ZCCHC2: variants seen among roughly 807,000 people sequenced by gnomAD.
ZCCHC2 encodes the protein zinc finger CCHC domain-containing protein 2.
A neutral mutation model predicts 103.6 loss-of-function variants in ZCCHC2; 39 were observed. The observed-to-expected ratio is 0.38, with a 90% CI of 0.29 to 0.49. ZCCHC2 has a LOEUF of 0.49. Among genes scored for constraint, ZCCHC2 ranks in the 20% least tolerant of loss-of-function variants. ZCCHC2 has a pLI of 0.96. For synonymous variants in ZCCHC2, 687 were observed against 608.9 expected (o/e 1.13, Z -1.89); for missense variants, 1,483 against 1,491.0 (o/e 0.99, Z 0.09).
At chr18:62,544,628 G>T (rs1275959184) in intron 3 of ZCCHC2, among the ~76,000 whole-genome samples, 174 bp from the exon 4 acceptor site, 3 of 152,164 alleles carry the variant, frequency 2.0e-5, no homozygotes, top group Non-Finnish European at 4.4e-5. Context: ...GTATGTCAAT[G>T]TGCAGTTAAT....
rs1247651553 is a variant in ZCCHC2 at position 62,523,185 on chromosome 18, C to T, written c.-240C>T. 1 of 165,780 alleles carries T rather than the reference C, an allele frequency of 6.0e-6. No homozygotes were observed. Among genetic ancestry groups the T allele is most frequent in the Non-Finnish European group, 1.2e-5 (1 of 80,476 alleles). The allele number at this position is 165,780 out of a possible 1,614,324, so 10.3% of individuals were successfully genotyped here. On this transcript the variant is annotated 5_prime_UTR_variant, in exon 1 of 14. Transcript: ENST00000269499. ...CCGGGCTCCCAGAACCGGCGAGGAG[C>T]CCAGGGGGAGGAGCCGTCGCGGGCA...
In ZCCHC2 at chr18:62,576,793, G is replaced by T; in HGVS notation, c.*214G>T. ...TCCTGGTTCAACAACAGGCTTATAT[G>T]TATGATACATGTAATTTAAACCTTC... is the stretch of plus-strand genomic sequence containing the variant. On this transcript the variant is annotated 3_prime_UTR_variant, in exon 14 of 14. Coordinates refer to ENST00000269499, the MANE Select transcript of ZCCHC2 (RefSeq NM_017742.6). The T allele has an allele frequency of 9.5e-6, 4 of 421,116 alleles. No individual in the cohort carries two copies. Among genetic ancestry groups the T allele is most frequent in the African/African-American group, 2.1e-5 (1 of 47,752 alleles). The allele number at this position is 421,116 out of a possible 1,614,324, so 26.1% of individuals were successfully genotyped here. A position where few individuals can be genotyped will look rare whatever the true frequency, so the allele number is the denominator to read the frequency against.
At position 62,576,554 on chromosome 18, in the gene ZCCHC2, A is replaced by G; in HGVS notation, c.3512A>G (p.Asn1171Ser). Residue 1171 changes from asparagine to serine, a missense_variant, in exon 14 of 14, where the codon AAT becomes AGT. By Grantham distance (46) the Asn-to-Ser change is conservative. This residue lies in a region of ZCCHC2 where 884 missense variants were observed against 907.5 expected (regional missense o/e 0.97). Transcript: ENST00000269499. ...TACGCACCTCCCCTCCCCCCTTCTAATGATACGTTGGATTCTGCAGACTGA... is the reference window on the plus strand; with the variant it reads ...TACGCACCTCCCCTCCCCCCTTCTAGTGATACGTTGGATTCTGCAGACTGA... ...LRYAPPLPPS[N>S]DTLDSAD 1 of 1,613,706 alleles carries G rather than the reference A, an allele frequency of 6.2e-7. No homozygotes were observed. Among genetic ancestry groups the G allele is most frequent in the Non-Finnish European group, 8.5e-7 (1 of 1,179,766 alleles).
chr18:62,560,338 T>C (rs1916063549), intron 7 of ZCCHC2: 4 of 364,302 alleles, frequency 1.1e-5, no homozygotes, highest in South Asian at 1.8e-4. Flanking sequence ...CATGCTCATA[T>C]AGACTTTCAT....
chr18:62,542,239 A>G (rs982858031), intron 2 of ZCCHC2, among the ~76,000 whole-genome samples: 7 of 152,196 alleles, frequency 4.6e-5, no homozygotes, highest in African/African-American at 1.7e-4. Flanking sequence ...TGGTGTTAAT[A>G]GAGTGTTTGA....
chr18:62,540,435 CT>C (rs555817088), intron 2 of ZCCHC2, among the ~76,000 whole-genome samples: 18,412 of 141,232 alleles, frequency 0.13, 1,137 homozygotes, highest in African/African-American at 0.16. Flanking sequence ...ATTATGTCTC[CT>C]TTTTTTTTTT....
At chr18:62,583,670 C>T (rs1327890951) in intron 14 of ZCCHC2, among the ~76,000 whole-genome samples, 1 of 151,946 alleles carries the variant, frequency 6.6e-6, no homozygotes, top group African/African-American at 2.4e-5. Flanking sequence ...AATACTGACC[C>T]CCCCCTCCAC....
At chr18:62,583,832 A>G (rs565386221) in intron 14 of ZCCHC2, among the ~76,000 whole-genome samples, 33 of 152,220 alleles carry the variant, frequency 2.2e-4, no homozygotes, top group African/African-American at 7.9e-4. Context: ...CAGCTGTTAA[A>G]GGATGAGGGG....
At chr18:62,551,762 A>G (rs1192451469) in intron 5 of ZCCHC2, 1 of 153,054 alleles carries the variant, frequency 6.5e-6, no homozygotes, top group Non-Finnish European at 1.5e-5. Context: ...ATCATGGCCA[A>G]GGAAACATGC....
Position 62,541,561 on chromosome 18 carries a change from CCA to C in ZCCHC2, c.1052-933_1052-932del, listed in dbSNP as rs869137780. 6.4e-4 allele frequency among the ~76,000 whole-genome samples: 31 copies of C among 48,268 alleles called. No individual in the cohort carries two copies. In the East Asian group the frequency reaches 0.15, roughly 229 times the overall value. 31.7% of individuals were successfully genotyped at this position (48,268 alleles called of 152,430 possible). On this transcript the variant is annotated intron_variant, in intron 2 of 13. Transcript: ENST00000269499. The stretch of plus-strand genomic sequence containing the variant: ...TCTCCTGAATCCAACAGTGTACCCC[CCA>C]CACCCATTCTGTTGAGTTACTTTCC...
intron 9 of ZCCHC2, among the ~76,000 whole-genome samples, chr18:62,563,989 T>C (rs1568553797): frequency 6.6e-6 from 1 of 152,162 alleles, no homozygotes; most frequent in Non-Finnish European, 1.5e-5. Context: ...ATGTTACAAG[T>C]ATGGAATGAA....
intron 3 of ZCCHC2, among the ~76,000 whole-genome samples, chr18:62,544,523 C>A (rs1327752231): frequency 6.6e-6 from 1 of 152,054 alleles, no homozygotes; most frequent in African/African-American, 2.4e-5. Context: ...TAACATATAT[C>A]CCCTTTCTGA....
At chr18:62,540,458 A>G (rs1284146143) in intron 2 of ZCCHC2, among the ~76,000 whole-genome samples, 2 of 150,650 alleles carry the variant, frequency 1.3e-5, no homozygotes, top group African/African-American at 4.9e-5. Context: ...TTTACCAGTA[A>G]TAATCCTTTT....
chr18:62,539,046 G>A (rs1915059778), intron 1 of ZCCHC2, among the ~76,000 whole-genome samples: 1 of 152,084 alleles, frequency 6.6e-6, no homozygotes, highest in African/African-American at 2.4e-5. Context: ...TTGATTTCTG[G>A]CGAGCTGTTT....
chr18:62,524,531 C>G, intron 1 of ZCCHC2, 168 bp downstream of exon 1: 1 of 1,111,504 alleles, frequency 9.0e-7, no homozygotes, highest in Non-Finnish European at 1.2e-6. Flanking sequence ...TCTCGCTGGG[C>G]CGCTCCGTTC....
intron 11 of ZCCHC2, among the ~76,000 whole-genome samples, chr18:62,568,202 C>A (rs1382112437): frequency 1.3e-5 from 2 of 151,964 alleles, no homozygotes; most frequent in Non-Finnish European, 2.9e-5. Context: ...TACCAATTTC[C>A]AGTATTTTTA....
intron 1 of ZCCHC2, chr18:62,526,331 A>G (rs1598923440): frequency 6.6e-6 from 1 of 152,446 alleles, no homozygotes; most frequent in East Asian, 1.9e-4. Context: ...GGGGCCGCGT[A>G]CTACAGGTGA....
At chr18:62,565,277 A>C (rs979875303) in intron 11 of ZCCHC2, among the ~76,000 whole-genome samples, 181 bp downstream of exon 11, 2 of 152,170 alleles carry the variant, frequency 1.3e-5, no homozygotes, top group African/African-American at 4.8e-5. Flanking sequence ...AATTTAGGGA[A>C]TACAAACCAG....
chr18:62,523,832 C>T lies in ZCCHC2; in HGVS notation c.408C>T (p.Asp136=), dbSNP rs1360255015. ...GCTTCCTTGGCTCGTGCCTGGAGGA[C>T]CTGGCGCGCAAGGACTACCACTACC... ...ELRFLGSCLE[D]LARKDYHYLR... Residue 136 remains aspartate (D), a synonymous_variant, in exon 1 of 14, where the codon GAC becomes GAT. Coordinates refer to ENST00000269499, the MANE Select transcript of ZCCHC2 (RefSeq NM_017742.6). The T allele has an allele frequency of 5.8e-6, 9 of 1,544,668 alleles. No homozygotes were observed. The highest frequency in any genetic ancestry group is 2.5e-5 in the East Asian group (1 of 40,706).
Sources: gnomAD v4.1 joint callset for allele counts (sites outside exome capture counted in the v4.1 genomes callset) on GRCh38, gnomAD v4.1.1 for gene constraint, gnomAD v4.1.1 regional missense constraint, MANE v1.5 for transcripts, NCBI Gene and HGNC (gene_info 2026-07-23, HGNC 2026-07-21) for gene names.